FOXP1: variants seen among roughly 807,000 people sequenced by gnomAD.
The protein encoded by FOXP1 is forkhead box protein P1.
In FOXP1, 15 loss-of-function variants were observed where a neutral mutation model predicts 98.2. The ratio of observed to expected loss-of-function variants is 0.15; its 90% confidence interval spans 0.10 to 0.24. The LOEUF is 0.24. FOXP1 is among the 10% of genes least tolerant of loss of function. The pLI is 1.00. For synonymous variants in FOXP1, 371 were observed against 314.5 expected (o/e 1.18, Z -1.90); for missense variants, 633 against 848.5 (o/e 0.75, Z 3.15).
At chr3:71,365,073 A>T (rs2078826079) in intron 3 of FOXP1, among the ~76,000 whole-genome samples, 1 of 152,222 alleles carries the variant, frequency 6.6e-6, no homozygotes, top group African/African-American at 2.4e-5. Flanking sequence ...TGTTCTAATA[A>T]AACGTTATTT....
chr3:71,333,320 C>T (rs1431537486), intron 4 of FOXP1: 2 of 151,974 alleles, frequency 1.3e-5, no homozygotes, highest in African/African-American at 4.8e-5. Context: ...AGCCACCCTG[C>T]TAAAAGTTCA....
chr3:71,162,289 C>T (rs2061177164), intron 6 of FOXP1, among the ~76,000 whole-genome samples: 3 of 152,172 alleles, frequency 2.0e-5, no homozygotes, highest in African/African-American at 7.2e-5. Context: ...ATAAGAGATG[C>T]TTAGCTAACT....
intron 6 of FOXP1, among the ~76,000 whole-genome samples, chr3:71,165,708 G>GA (rs1202190786): frequency 6.6e-6 from 1 of 152,056 alleles, no homozygotes; most frequent in Admixed American, 6.6e-5. Flanking sequence ...AACAAAAAAA[G>GA]AAAAAATATG....
At chr3:71,059,669 A>G (rs1258333105) in intron 7 of FOXP1, among the ~76,000 whole-genome samples, 1 of 152,126 alleles carries the variant, frequency 6.6e-6, no homozygotes, top group African/African-American at 2.4e-5. Context: ...TGGGATGGAA[A>G]ACAATTTAGG....
chr3:71,179,433 C>A (rs1199382430), intron 6 of FOXP1, among the ~76,000 whole-genome samples: 8 of 151,978 alleles, frequency 5.3e-5, no homozygotes, highest in Admixed American at 5.2e-4. Flanking sequence ...AAGAATTGTG[C>A]CTAAATATGG....
intron 14 of FOXP1, among the ~76,000 whole-genome samples, chr3:70,979,108 G>GCACA (rs1266525680): frequency 6.7e-6 from 1 of 150,334 alleles, no homozygotes; most frequent in Non-Finnish European, 1.5e-5. Flanking sequence ...CTCCATTAAC[G>GCACA]CACACACATA....
intron 5 of FOXP1, among the ~76,000 whole-genome samples, chr3:71,204,075 T>A (rs528294171): frequency 1.3e-5 from 2 of 152,300 alleles, no homozygotes; most frequent in South Asian, 4.2e-4. Flanking sequence ...GTTAACTCCA[T>A]GCAGTTAGTA....
chr3:71,491,267 CG>C (rs1577813011), intron 3 of FOXP1, among the ~76,000 whole-genome samples: 1 of 152,182 alleles, frequency 6.6e-6, no homozygotes, highest in East Asian at 1.9e-4. Flanking sequence ...CTACCCACCT[CG>C]GCCTCCCAAA....
chr3:71,045,167 A>G (rs1244936332), intron 10 of FOXP1, among the ~76,000 whole-genome samples: 1 of 152,194 alleles, frequency 6.6e-6, no homozygotes, highest in Non-Finnish European at 1.5e-5. Context: ...TTAGATTTCA[A>G]ATATGCTTCT....
intron 4 of FOXP1, among the ~76,000 whole-genome samples, chr3:71,339,015 C>T (rs1208312776): frequency 6.6e-6 from 1 of 152,200 alleles, no homozygotes; most frequent in Non-Finnish European, 1.5e-5. Context: ...ATTTCTCCCC[C>T]TATTCCATAT....
chr3:71,186,269 G>T (rs554268568), intron 6 of FOXP1, among the ~76,000 whole-genome samples: 1 of 152,248 alleles, frequency 6.6e-6, no homozygotes, highest in Admixed American at 6.5e-5. Flanking sequence ...TTACTAGACT[G>T]GCTGAAGATT....
At chr3:71,578,196 T>C (rs2047878475) in intron 2 of FOXP1, among the ~76,000 whole-genome samples, 3 of 152,238 alleles carry the variant, frequency 2.0e-5, no homozygotes, top group South Asian at 4.1e-4. Flanking sequence ...AATTAAATTG[T>C]AGTAATTTAA....
intron 11 of FOXP1, among the ~76,000 whole-genome samples, chr3:71,028,778 G>A (rs902724916): frequency 1.3e-5 from 2 of 152,126 alleles, no homozygotes; most frequent in Non-Finnish European, 2.9e-5. Context: ...TGGGAGCCCC[G>A]AGCTTATTTT....
intron 3 of FOXP1, among the ~76,000 whole-genome samples, chr3:71,401,754 C>T (rs1339574273): frequency 2.6e-5 from 4 of 152,184 alleles, no homozygotes; most frequent in Non-Finnish European, 5.9e-5. Flanking sequence ...CAACCTGCAA[C>T]TAAAGACGAG....
chr3:71,019,741 G>C (rs1195645073), intron 11 of FOXP1, among the ~76,000 whole-genome samples: 2 of 152,110 alleles, frequency 1.3e-5, no homozygotes, highest in Non-Finnish European at 2.9e-5. Context: ...TGAGGCAGGA[G>C]AATCGCTTGA....
chr3:71,414,774 A>G (rs1239580359), intron 3 of FOXP1, among the ~76,000 whole-genome samples: 1 of 152,228 alleles, frequency 6.6e-6, no homozygotes, highest in Non-Finnish European at 1.5e-5. Flanking sequence ...TGATGACTAA[A>G]AAGACAATCA....
chr3:71,092,739 T>C (rs1273508477), intron 7 of FOXP1, among the ~76,000 whole-genome samples: 3 of 152,120 alleles, frequency 2.0e-5, no homozygotes, highest in Non-Finnish European at 2.9e-5. Flanking sequence ...GAGTTTTTCT[T>C]ATTTTGAAGG....
intron 6 of FOXP1, among the ~76,000 whole-genome samples, chr3:71,195,492 C>T (rs141724328): frequency 1.1e-4 from 17 of 152,264 alleles, no homozygotes; most frequent in African/African-American, 4.1e-4. Flanking sequence ...CGTTTTTATA[C>T]CAGGCCCTTT....
At chr3:71,136,737 C>A (rs1361518370) in intron 6 of FOXP1, among the ~76,000 whole-genome samples, 1 of 151,876 alleles carries the variant, frequency 6.6e-6, no homozygotes, top group African/African-American at 2.4e-5. Context: ...AGAATAAACA[C>A]TGCAGTGAGA....
Sources: allele counts gnomAD v4.1 joint callset (sites outside exome capture counted in the v4.1 genomes callset), GRCh38; gene constraint gnomAD v4.1.1; transcripts MANE v1.5; gene names NCBI Gene and HGNC (gene_info 2026-07-23, HGNC 2026-07-21).